ATRX: variants seen among roughly 807,000 people sequenced by gnomAD.
ATRX encodes ATRX chromatin remodeler, also known as chromatin remodeler ATRX.
In ATRX, 12 loss-of-function variants were observed where a neutral mutation model predicts 172.6. That is an observed-to-expected ratio of 0.07 (90% CI 0.04 to 0.11). The LOEUF (loss-of-function observed/expected upper bound fraction) is 0.11, where lower values mean the gene tolerates loss of function less well. ATRX is among the 10% of genes least tolerant of loss of function. The probability of loss-of-function intolerance (pLI) is 1.00; values close to 1 mark genes in which losing one functional copy is unlikely to be tolerated. For synonymous variants in ATRX, 674 were observed against 594.7 expected (o/e 1.13, Z -1.94); for missense variants, 1,368 against 1,767.4 (o/e 0.77, Z 4.05).
In ATRX at chrX:77,683,539, C is replaced by G. The variant is rs782746892; in HGVS notation, c.1717G>C (p.Gly573Arg). The change falls in exon 9 of 35, where the codon GGT becomes CGT. Residue 573 changes from glycine (G) to arginine (R), a missense_variant. Physicochemically the swap from Gly to Arg is moderately radical, Grantham distance 125. Coordinates refer to ENST00000373344, the MANE Select transcript of ATRX (RefSeq NM_000489.6). ...TTAGCTGTAGTTTTTGATTTAATAC[C>G]TCCTCTGTTGTCTTTTGAAGAAATA... ...LNISSKDNRG[G>R]IKSKTTAKVT... 8.3e-7 allele frequency: 1 copy of G among 1,208,867 alleles called. No homozygotes were observed. Among genetic ancestry groups the G allele is most frequent in the Non-Finnish European group, 1.1e-6 (1 of 893,230 alleles).
Position 77,641,286 on chromosome X carries a change from T to G in ATRX, c.4558-5230A>C, listed in dbSNP as rs782141398. ...GTAAAGTGAGACAGCTGATTAAAAATGCCCAAATAGGCCGGGTGTGGTGGC... is the reference window on the plus strand; with the variant it reads ...GTAAAGTGAGACAGCTGATTAAAAAGGCCCAAATAGGCCGGGTGTGGTGGC... On this transcript the variant is annotated intron_variant, in intron 15 of 34. Coordinates refer to ENST00000373344, the MANE Select transcript of ATRX (RefSeq NM_000489.6). Among the ~76,000 whole-genome samples, 4 of 111,022 alleles carry G rather than the reference T, an allele frequency of 3.6e-5. No homozygotes were observed. The South Asian group carries it at 1.1e-3, about 32-fold the overall frequency.
chrX:77,760,281 CA>C (rs1328425840), intron 1 of ATRX, among the ~76,000 whole-genome samples: 3 of 105,519 alleles, frequency 2.8e-5, no homozygotes, highest in African/African-American at 1.0e-4. Context: ...AGGCAAGTTG[CA>C]AAATAATATG....
At chrX:77,714,504 G>A in intron 2 of ATRX, among the ~76,000 whole-genome samples, 1 of 111,806 alleles carries the variant, frequency 8.9e-6, no homozygotes, top group Middle Eastern at 4.6e-3. Flanking sequence ...TAGTTACAAT[G>A]GAATAAATCA....
At chrX:77,783,004 C>A (rs1162256578) in intron 1 of ATRX, among the ~76,000 whole-genome samples, 1 of 111,073 alleles carries the variant, frequency 9.0e-6, no homozygotes, top group East Asian at 2.8e-4. Context: ...GAGGCCAAGG[C>A]AGGTAGATCA....
chrX:77,771,949 C>T (rs1240546886), intron 1 of ATRX, among the ~76,000 whole-genome samples: 1 of 111,419 alleles, frequency 9.0e-6, no homozygotes, highest in African/African-American at 3.3e-5. Flanking sequence ...TCTATAGTGC[C>T]AAGGTTGAGA....
Position 77,684,324 on chromosome X carries a change from T to C in ATRX, c.932A>G (p.His311Arg), listed in dbSNP as rs2148634371. ...CTTCTTTGGAGAAAATCTGGATGTA[T>C]GTTCATATACTTTATTACTCTTTTC... ...DSEKSNKVYE[H>R]TSRFSPKKTS... Residue 311 changes from histidine (H) to arginine (R), a missense_variant, in exon 9 of 35, where the codon CAT becomes CGT. This residue lies in a region of ATRX where 843 missense variants were observed against 643.1 expected (regional missense o/e 1.31). Transcript: ENST00000373344. 8.3e-7 allele frequency: 1 copy of C among 1,209,492 alleles called. No homozygotes were observed. The highest frequency in any genetic ancestry group is 1.1e-6 in the Non-Finnish European group (1 of 893,362).
intron 2 of ATRX, among the ~76,000 whole-genome samples, chrX:77,713,239 G>A (rs1436571177): frequency 9.0e-6 from 1 of 111,631 alleles, no homozygotes; most frequent in African/African-American, 3.3e-5. Context: ...CATGAAAAGG[G>A]GAAGTCTAGA....
At chrX:77,690,897 A>G (rs781932294) in intron 6 of ATRX, 2 of 112,079 alleles carry the variant, frequency 1.8e-5, no homozygotes, top group African/African-American at 6.5e-5. Context: ...GTGCACAAGG[A>G]ATCAAATATA....
At chrX:77,783,580 T>C (rs1300598341) in intron 1 of ATRX, among the ~76,000 whole-genome samples, 1 of 112,055 alleles carries the variant, frequency 8.9e-6, no homozygotes, top group Non-Finnish European at 1.9e-5. Flanking sequence ...TTTTAAGTGC[T>C]TGACAAAATA....
At chrX:77,631,862 T>A (rs1242452241) in intron 19 of ATRX, among the ~76,000 whole-genome samples, 1 of 112,316 alleles carries the variant, frequency 8.9e-6, no homozygotes, top group Non-Finnish European at 1.9e-5. Flanking sequence ...TTTCTTAGTT[T>A]TGACAAATCT....
chrX:77,513,945 C>G (rs2062966005), intron 34 of ATRX, among the ~76,000 whole-genome samples: 1 of 110,590 alleles, frequency 9.0e-6, no homozygotes, highest in Admixed American at 9.6e-5. Flanking sequence ...AAATCAGTAG[C>G]ATTCCTATAC....
chrX:77,551,982 G>C (rs1262039438), intron 30 of ATRX, among the ~76,000 whole-genome samples: 4 of 111,726 alleles, frequency 3.6e-5, no homozygotes, highest in Non-Finnish European at 5.6e-5. Flanking sequence ...AGGTGCTGGA[G>C]AGGATGTGGA....
intron 1 of ATRX, among the ~76,000 whole-genome samples, chrX:77,767,663 G>C (rs1355950233): frequency 1.8e-5 from 2 of 111,315 alleles, no homozygotes; most frequent in African/African-American, 6.5e-5. Context: ...CCAAAGTGCT[G>C]GGATTACAGC....
At chrX:77,772,728 G>A (rs1451495234) in intron 1 of ATRX, among the ~76,000 whole-genome samples, 1 of 109,128 alleles carries the variant, frequency 9.2e-6, no homozygotes, top group Non-Finnish European at 1.9e-5. Flanking sequence ...TGATCCATCC[G>A]CCTCGGCCTC....
chrX:77,654,302 AAAAC>A (rs2069431254), intron 13 of ATRX, 102 bp from the exon 14 acceptor site: 18 of 638,541 alleles, frequency 2.8e-5, no homozygotes, highest in Non-Finnish European at 4.2e-5. Context: ...TGCATTCCTA[AAAAC>A]AAACAGAAAA....
intron 7 of ATRX, among the ~76,000 whole-genome samples, chrX:77,686,367 T>G (rs782484839): frequency 2.7e-4 from 30 of 111,214 alleles, no homozygotes; most frequent in Non-Finnish European, 4.9e-4. Flanking sequence ...TACAAACAAT[T>G]TTTTTTTAAA....
chrX:77,775,465 T>A (rs2148959371), intron 1 of ATRX, among the ~76,000 whole-genome samples: 1 of 111,072 alleles, frequency 9.0e-6, no homozygotes, highest in East Asian at 2.9e-4. Flanking sequence ...GGCAGATAGC[T>A]TGAGTCCAGG....
At chrX:77,514,224 T>C (rs1396888901) in intron 34 of ATRX, among the ~76,000 whole-genome samples, 1 of 112,187 alleles carries the variant, frequency 8.9e-6, no homozygotes, top group Non-Finnish European at 1.9e-5. Context: ...ATCAAACTAC[T>C]AATGATATTC....
chrX:77,520,376 G>T (rs190977848), intron 34 of ATRX, among the ~76,000 whole-genome samples: 1 of 111,419 alleles, frequency 9.0e-6, no homozygotes, highest in East Asian at 2.8e-4. Flanking sequence ...ACCCTGATGT[G>T]ATTATTATGC....
Sources: allele counts gnomAD v4.1 joint callset (sites outside exome capture counted in the v4.1 genomes callset), GRCh38; gene constraint gnomAD v4.1.1; regional missense constraint gnomAD v4.1.1; transcripts MANE v1.5; gene names NCBI Gene and HGNC (gene_info 2026-07-23, HGNC 2026-07-21).